The following FHIT variants were observed in gnomAD, a reference collection of about 807,000 sequenced individuals.
FHIT encodes the protein fragile histidine triad diadenosine triphosphatase.
A neutral mutation model predicts 17.9 loss-of-function variants in FHIT; 19 were observed. The observed-to-expected ratio is 1.06, with a 90% CI of 0.74 to 1.56. The LOEUF is 1.56. Among genes scored for constraint, FHIT ranks in the 40% most tolerant of loss-of-function variants. FHIT has a pLI of 0.00. For missense variants in FHIT, 248 were observed against 189.2 expected (o/e 1.31, Z -1.82); for synonymous variants, 81 against 69.7 (o/e 1.16, Z -0.81).
chr3:61,198,311 C>A (rs1228037522), intron 2 of FHIT, among the ~76,000 whole-genome samples: 1 of 152,088 alleles, frequency 6.6e-6, no homozygotes, highest in African/African-American at 2.4e-5. Context: ...GTTGGCAGAT[C>A]AGAATGCCCA....
intron 5 of FHIT, among the ~76,000 whole-genome samples, chr3:60,023,640 T>A (rs1275546184): frequency 6.6e-6 from 1 of 151,774 alleles, no homozygotes; most frequent in Non-Finnish European, 1.5e-5. Flanking sequence ...ACTATAAATA[T>A]GAAAGGAAAG....
intron 8 of FHIT, among the ~76,000 whole-genome samples, chr3:59,815,726 G>A (rs1247022136): frequency 6.6e-6 from 1 of 152,038 alleles, no homozygotes; most frequent in African/African-American, 2.4e-5. Context: ...TGGACTCTGG[G>A]GACTCAAGGG....
intron 2 of FHIT, among the ~76,000 whole-genome samples, chr3:61,065,796 T>A (rs2034588208): frequency 6.6e-6 from 1 of 152,106 alleles, no homozygotes; most frequent in African/African-American, 2.4e-5. Flanking sequence ...TACAAGCTTT[T>A]ATTCTCTCAT....
intron 5 of FHIT, among the ~76,000 whole-genome samples, chr3:60,276,341 G>T (rs1387300601): frequency 6.6e-6 from 1 of 152,136 alleles, no homozygotes; most frequent in African/African-American, 2.4e-5. Context: ...AGGAAGTCCA[G>T]CAGATGAAGT....
At chr3:60,893,459 A>C (rs1352449457) in intron 3 of FHIT, among the ~76,000 whole-genome samples, 1 of 152,176 alleles carries the variant, frequency 6.6e-6, no homozygotes, top group East Asian at 1.9e-4. Context: ...GATTTTTCCT[A>C]CACTTTAAAG....
intron 2 of FHIT, among the ~76,000 whole-genome samples, chr3:61,184,815 T>A (rs1435262093): frequency 6.6e-6 from 1 of 152,162 alleles, no homozygotes; most frequent in African/African-American, 2.4e-5. Context: ...GACCTCAGAA[T>A]CCACTCTAAT....
chr3:59,884,313 G>A (rs1200942165), intron 8 of FHIT, among the ~76,000 whole-genome samples: 1 of 152,080 alleles, frequency 6.6e-6, no homozygotes, highest in Non-Finnish European at 1.5e-5. Context: ...TTTATAATAA[G>A]CAGTCAGATG....
At chr3:60,957,233 C>CTTTTTTTTTTTTT (rs35221092) in intron 3 of FHIT, among the ~76,000 whole-genome samples, 38 of 97,104 alleles carry the variant, frequency 3.9e-4, no homozygotes, top group East Asian at 1.3e-3. Flanking sequence ...TTCTTTCTTT[C>CTTTTTTTTTTTTT]TTTTTTTTTT....
rs140181552 is a variant in FHIT, at chr3:60,326,790, T to C, written c.103+210070A>G. Among the ~76,000 whole-genome samples, 1,364 of 152,316 alleles carry C rather than the reference T, an allele frequency of 9.0e-3. 25 individuals carry two copies. Among genetic ancestry groups the C allele is most frequent in the African/African-American group, 0.031 (1,299 of 41,560 alleles). On this transcript the variant is annotated intron_variant, in intron 5 of 9. Coordinates refer to ENST00000492590, the MANE Select transcript of FHIT (RefSeq NM_002012.4). ...GATGAAGCTGGAGTAAAACCTTTCC[T>C]GTGCTGTGACCCACATCTCCCCATT... is the stretch of plus-strand genomic sequence containing the variant.
chr3:60,785,365 G>A (rs1700530858), intron 4 of FHIT, among the ~76,000 whole-genome samples: 1 of 152,144 alleles, frequency 6.6e-6, no homozygotes, highest in Admixed American at 6.5e-5. Context: ...TGTGGTGATA[G>A]AATCTGCAGA....
At chr3:60,449,601 C>T (rs2031581881) in intron 5 of FHIT, among the ~76,000 whole-genome samples, 1 of 152,010 alleles carries the variant, frequency 6.6e-6, no homozygotes, top group Non-Finnish European at 1.5e-5. Context: ...CCTATTGCTC[C>T]TCCTAGATAC....
At chr3:60,653,998 G>A (rs2040058202) in intron 4 of FHIT, among the ~76,000 whole-genome samples, 1 of 152,122 alleles carries the variant, frequency 6.6e-6, no homozygotes, top group South Asian at 2.1e-4. Flanking sequence ...TATTTCCTTG[G>A]TGACAAGTGA....
chr3:60,591,017 T>C (rs1277011183), intron 4 of FHIT, among the ~76,000 whole-genome samples: 1 of 152,002 alleles, frequency 6.6e-6, no homozygotes, highest in Non-Finnish European at 1.5e-5. Flanking sequence ...CTAAACCCCA[T>C]GAAAGTCAGC....
intron 3 of FHIT, among the ~76,000 whole-genome samples, chr3:60,964,045 A>G (rs1386050121): frequency 6.6e-6 from 1 of 152,116 alleles, no homozygotes; most frequent in African/African-American, 2.4e-5. Flanking sequence ...AAAGTCTCCC[A>G]TTATTATCGT....
rs149647390 is a variant in FHIT at position 59,776,002 on chromosome 3, T to C, written c.349-23681A>G. On this transcript the variant is annotated intron_variant, in intron 8 of 9. Coordinates refer to ENST00000492590, the MANE Select transcript of FHIT (RefSeq NM_002012.4). ...ATGGAGCACATTATCCCATTAATGT[T>C]TCTGTGAGCTAACACAGCCAAAGTT... 5.4e-3 allele frequency among the ~76,000 whole-genome samples: 820 copies of C among 152,344 alleles called. 14 individuals carry two copies. Among genetic ancestry groups the C allele is most frequent in the African/African-American group, 0.018 (766 of 41,592 alleles).
chr3:60,369,272 A>G (rs1008185388), intron 5 of FHIT, among the ~76,000 whole-genome samples: 3 of 152,268 alleles, frequency 2.0e-5, no homozygotes, highest in Admixed American at 6.5e-5. Context: ...ACACCCAGCC[A>G]TGGCACTTTT....
chr3:60,295,886 C>T (rs1472246106), intron 5 of FHIT, among the ~76,000 whole-genome samples: 2 of 152,092 alleles, frequency 1.3e-5, no homozygotes, highest in African/African-American at 4.8e-5. Flanking sequence ...ACCCAAATCT[C>T]ATCTTGAATT....
At chr3:60,208,483 A>C (rs1703302502) in intron 5 of FHIT, among the ~76,000 whole-genome samples, 1 of 152,224 alleles carries the variant, frequency 6.6e-6, no homozygotes. Flanking sequence ...AAATGCCCAC[A>C]TTATGAGAAA....
chr3:59,867,884 C>A (rs1575612643), intron 8 of FHIT, among the ~76,000 whole-genome samples: 1 of 151,848 alleles, frequency 6.6e-6, no homozygotes, highest in African/African-American at 2.4e-5. Context: ...ACTCTAATAA[C>A]CTTGTTATAG....
Sources: gnomAD v4.1 joint callset for allele counts (sites outside exome capture counted in the v4.1 genomes callset) on GRCh38, gnomAD v4.1.1 for gene constraint, MANE v1.5 for transcripts, NCBI Gene and HGNC (gene_info 2026-07-23, HGNC 2026-07-21) for gene names.